STX8: variants seen among roughly 807,000 people sequenced by gnomAD.
The protein encoded by STX8 is syntaxin 8.
Under a neutral mutation model 37.5 loss-of-function variants are expected in STX8, and 23 were observed. The ratio of observed to expected loss-of-function variants is 0.61; its 90% confidence interval spans 0.44 to 0.87. STX8 has a LOEUF of 0.87. Among genes scored for constraint, STX8 ranks in the 40% least tolerant of loss-of-function variants. STX8 has a pLI of 0.00. For synonymous variants in STX8, 115 were observed against 99.1 expected, an observed-to-expected ratio of 1.16 and a Z score of -0.95; for missense variants, 313 against 284.7, an observed-to-expected ratio of 1.10 and a Z score of -0.71.
chr17:9,327,847 C>A (rs543119583), intron 7 of STX8, among the ~76,000 whole-genome samples: 5 of 151,696 alleles, frequency 3.3e-5, no homozygotes, highest in Non-Finnish European at 2.9e-5. Context: ...GCTAATTTTT[C>A]TCCTTCCTTC....
chr17:9,334,364 A>C (rs188334906), intron 7 of STX8, among the ~76,000 whole-genome samples: 53 of 152,290 alleles, frequency 3.5e-4, no homozygotes, highest in African/African-American at 1.3e-3. Flanking sequence ...CCAGGCAAGA[A>C]GGAAATTTTT....
At chr17:9,302,338 C>A (rs1004392159) in intron 7 of STX8, among the ~76,000 whole-genome samples, 1 of 151,940 alleles carries the variant, frequency 6.6e-6, no homozygotes, top group East Asian at 1.9e-4. Flanking sequence ...TTTAATCTGC[C>A]TTTTCAAATA....
chr17:9,547,040 G>C (rs1040026125), intron 3 of STX8, among the ~76,000 whole-genome samples: 3 of 151,592 alleles, frequency 2.0e-5, no homozygotes, highest in African/African-American at 7.3e-5. Context: ...ACAAGGTCAA[G>C]AGATGGAAAC....
chr17:9,271,516 C>T (rs1907460200), intron 7 of STX8, among the ~76,000 whole-genome samples: 1 of 151,936 alleles, frequency 6.6e-6, no homozygotes, highest in Admixed American at 6.5e-5. Context: ...CTTTGGGAGG[C>T]CGAAGTGGGT....
At chr17:9,391,150 CCTTA>C (rs1419944152) in intron 6 of STX8, among the ~76,000 whole-genome samples, 1 of 152,032 alleles carries the variant, frequency 6.6e-6, no homozygotes, top group Non-Finnish European at 1.5e-5. Context: ...GACACCCTCA[CCTTA>C]CTTCAAACCA....
At chr17:9,503,105 C>CAAAAAAAAAAAAAAAAAAAAA (rs61437085) in intron 5 of STX8, among the ~76,000 whole-genome samples, 2 of 58,600 alleles carry the variant, frequency 3.4e-5, no homozygotes, top group African/African-American at 1.5e-4. Context: ...GACTCTGTCT[C>CAAAAAAAAAAAAAAAAAAAAA]AAAAAAAAAA....
At chr17:9,347,480 A>G (rs1910571366) in intron 7 of STX8, among the ~76,000 whole-genome samples, 1 of 152,200 alleles carries the variant, frequency 6.6e-6, no homozygotes, top group South Asian at 2.1e-4. Flanking sequence ...TACACTCCCA[A>G]TGTTGTGCAA....
chr17:9,270,124 C>T (rs1907395511), intron 7 of STX8, among the ~76,000 whole-genome samples: 1 of 152,244 alleles, frequency 6.6e-6, no homozygotes, highest in Admixed American at 6.5e-5. Flanking sequence ...ACAGAGCTCA[C>T]ATAATACATA....
chr17:9,438,949 C>CA (rs913434573), intron 6 of STX8, among the ~76,000 whole-genome samples: 36 of 151,716 alleles, frequency 2.4e-4, no homozygotes, highest in South Asian at 4.2e-4. Flanking sequence ...AAAACAACAA[C>CA]AAAAAAAACC....
At position 9,267,835 on chromosome 17, in the gene STX8, G is replaced by T. The variant is rs145827794; in HGVS notation, c.644-17190C>A. On this transcript the variant is annotated intron_variant, in intron 7 of 7. Coordinates refer to ENST00000306357, the MANE Select transcript of STX8 (RefSeq NM_004853.3). ...GAAATCCCATCTCTACTAAAAATAC[G>T]AAAGAATTAGCTGGGCGTGGTGGTG... Among the ~76,000 whole-genome samples, 511 of 151,930 alleles carry T rather than the reference G, an allele frequency of 3.4e-3. 2 individuals carry two copies. Among genetic ancestry groups the T allele is most frequent in the Non-Finnish European group, 5.3e-3 (359 of 67,930 alleles).
chr17:9,352,184 A>C (rs927117276), intron 7 of STX8, among the ~76,000 whole-genome samples: 2 of 151,414 alleles, frequency 1.3e-5, no homozygotes, highest in Admixed American at 6.6e-5. Flanking sequence ...ACAAAAAAAA[A>C]CTTGGGGCTT....
chr17:9,399,879 AAAG>A (rs1912541104), intron 6 of STX8, among the ~76,000 whole-genome samples: 1 of 150,644 alleles, frequency 6.6e-6, no homozygotes. Context: ...AAAAAAAAAA[AAAG>A]AAAGAAAGAA....
intron 6 of STX8, among the ~76,000 whole-genome samples, chr17:9,434,882 T>A (rs1346768612): frequency 2.6e-5 from 4 of 152,232 alleles, no homozygotes; most frequent in Non-Finnish European, 5.9e-5. Context: ...GCATAGAAGA[T>A]AACTTTCAGG....
intron 4 of STX8, among the ~76,000 whole-genome samples, chr17:9,509,875 T>C (rs765845841): frequency 9.5e-5 from 14 of 147,684 alleles, no homozygotes; most frequent in Non-Finnish European, 1.3e-4. Context: ...AACTATATGC[T>C]GCATAGAAGA....
chr17:9,520,695 G>T (rs1004686156), intron 4 of STX8, among the ~76,000 whole-genome samples: 6 of 152,148 alleles, frequency 3.9e-5, no homozygotes, highest in South Asian at 2.1e-4. Context: ...TATCGGGGGG[G>T]TGCACAGACA....
intron 6 of STX8, among the ~76,000 whole-genome samples, chr17:9,422,361 C>G (rs1913468342): frequency 6.6e-6 from 1 of 152,206 alleles, no homozygotes. Context: ...CCCACCTCGG[C>G]CTCCCAAAGT....
chr17:9,259,803 G>A (rs1287731230), intron 7 of STX8, among the ~76,000 whole-genome samples: 1 of 152,154 alleles, frequency 6.6e-6, no homozygotes, highest in African/African-American at 2.4e-5. Flanking sequence ...AGGAGCACCC[G>A]ACTTTATAAC....
intron 2 of STX8, among the ~76,000 whole-genome samples, chr17:9,567,557 T>G (rs1417278608): frequency 1.3e-5 from 2 of 152,206 alleles, no homozygotes; most frequent in African/African-American, 4.8e-5. Context: ...AAAGGTGTGG[T>G]GTTAGATTTG....
intron 7 of STX8, among the ~76,000 whole-genome samples, chr17:9,262,235 T>C (rs1290991922): frequency 6.6e-6 from 1 of 152,204 alleles, no homozygotes; most frequent in Non-Finnish European, 1.5e-5. Context: ...CGAAACAACA[T>C]ATTCCTGGGG....
Sources: allele counts gnomAD v4.1 joint callset (sites outside exome capture counted in the v4.1 genomes callset), GRCh38; gene constraint gnomAD v4.1.1; transcripts MANE v1.5; gene names NCBI Gene and HGNC (gene_info 2026-07-23, HGNC 2026-07-21).